Variants in GEN1 observed in about 807,000 individuals in gnomAD.
GEN1 encodes flap endonuclease GEN homolog 1.
Under a neutral mutation model 67.6 loss-of-function variants are expected in GEN1, and 64 were observed. The observed-to-expected ratio is 0.95, with a 90% CI of 0.77 to 1.17. The LOEUF (loss-of-function observed/expected upper bound fraction) is 1.17, where lower values mean the gene tolerates loss of function less well. Among genes scored for constraint, GEN1 ranks in the 50% most tolerant of loss-of-function variants. The pLI is 0.00. For synonymous variants in GEN1, 371 were observed against 359.4 expected (o/e 1.03, Z -0.37); for missense variants, 1,058 against 1,048.3 (o/e 1.01, Z -0.13).
chr2:17,778,380 A>G lies in GEN1; in HGVS notation c.1264+317A>G, dbSNP rs1426005783. Among the ~76,000 whole-genome samples the G allele has an allele frequency of 6.2e-4, 13 of 20,872 alleles. 3 individuals are homozygous for G. Among genetic ancestry groups the G allele is most frequent in the South Asian group, 7.7e-3 (1 of 130 alleles). 13.7% of individuals were successfully genotyped at this position (20,872 alleles called of 152,430 possible). A position where few individuals can be genotyped will look rare whatever the true frequency, so the allele number is the denominator to read the frequency against. On this transcript the variant is annotated intron_variant, in intron 12 of 13. Transcript: ENST00000381254. Reference sequence around the variant, plus strand: ...TACATATATGTATATACACACACATATATGTGTGTACATATATGTATATAC... The same window carrying G: ...TACATATATGTATATACACACACATGTATGTGTGTACATATATGTATATAC...
In GEN1 at chr2:17,774,353, TAGAA is replaced by T. The variant is rs754513633; in HGVS notation, c.1161_1164del (p.Arg387SerfsTer29). ...GTACTTTTGACCCATTATGACATGA[TAGAA>T]AGAAAGCTTGGTAGCAGAAACTCTA... On this transcript the variant is annotated frameshift_variant, in exon 11 of 14. Transcript: ENST00000381254. LOFTEE classifies it high-confidence loss of function. 7.2e-5 allele frequency: 116 copies of T among 1,606,330 alleles called. No individual in the cohort carries two copies. The highest frequency in any genetic ancestry group is 8.6e-5 in the Non-Finnish European group (101 of 1,175,058).
In GEN1 at chr2:17,788,706, C is replaced by A. The variant is rs1673130977; in HGVS notation, c.*6767C>A. ...GTGTTTGCGTCATCATAAGTTAAATCTTCATCTACCACCCAACTGATACCT... is the reference window on the plus strand; with the variant it reads ...GTGTTTGCGTCATCATAAGTTAAATATTCATCTACCACCCAACTGATACCT... On this transcript the variant is annotated 3_prime_UTR_variant, in exon 14 of 14. Transcript: ENST00000381254. 1 of 152,172 alleles carries A rather than the reference C, an allele frequency of 6.6e-6. No homozygotes were observed. Among genetic ancestry groups the A allele is most frequent in the African/African-American group, 2.4e-5 (1 of 41,444 alleles). The allele number at this position is 152,172 out of a possible 1,614,324, so 9.4% of individuals were successfully genotyped here.
intron 5 of GEN1, among the ~76,000 whole-genome samples, chr2:17,768,338 T>C (rs1558401300): frequency 6.6e-6 from 1 of 152,218 alleles, no homozygotes; most frequent in Non-Finnish European, 1.5e-5. Context: ...ATATTAAATG[T>C]TCATGTAATT....
intron 11 of GEN1, among the ~76,000 whole-genome samples, chr2:17,775,215 G>T (rs1048523289): frequency 8.5e-5 from 13 of 152,114 alleles, no homozygotes; most frequent in Admixed American, 5.2e-4. Context: ...ATAAAAATGT[G>T]TGTAAATGGA....
chr2:17,779,870 T>G (rs1672743107), intron 12 of GEN1, 108 bp from the exon 13 acceptor site: 1 of 807,062 alleles, frequency 1.2e-6, no homozygotes, highest in Non-Finnish European at 1.9e-6. Context: ...TCCGCCCGCC[T>G]TGGCCTCCCA....
At chr2:17,772,426 A>G (rs1672234305) in intron 7 of GEN1, among the ~76,000 whole-genome samples, 1 of 152,064 alleles carries the variant, frequency 6.6e-6, no homozygotes, top group South Asian at 2.1e-4. Context: ...GTCATGTGAT[A>G]GTAATAGCTC....
chr2:17,771,557 T>G (rs1672191220), intron 7 of GEN1, among the ~76,000 whole-genome samples: 1 of 152,126 alleles, frequency 6.6e-6, no homozygotes, highest in Non-Finnish European at 1.5e-5. Context: ...CTTAAAACTA[T>G]GTTTTCAATA....
intron 1 of GEN1, chr2:17,754,591 T>G (rs1385912829): frequency 6.6e-6 from 1 of 152,242 alleles, no homozygotes; most frequent in African/African-American, 2.4e-5. Context: ...CCGCTTGCGC[T>G]TGGCCGAAGC....
chr2:17,761,603 C>G (rs1485865362), intron 3 of GEN1, 21 bp downstream of exon 3: 6 of 1,536,258 alleles, frequency 3.9e-6, no homozygotes, highest in Non-Finnish European at 5.3e-6. Flanking sequence ...AGATTTGATT[C>G]AGTAATTCCG....
chr2:17,758,977 G>A (rs1671551379), intron 1 of GEN1, among the ~76,000 whole-genome samples: 1 of 152,138 alleles, frequency 6.6e-6, no homozygotes, highest in South Asian at 2.1e-4. Flanking sequence ...TTGCACCCAT[G>A]GGCAATTTGA....
At chr2:17,775,664 C>T (rs766734747) in intron 11 of GEN1, among the ~76,000 whole-genome samples, 27 of 152,170 alleles carry the variant, frequency 1.8e-4, no homozygotes, top group South Asian at 6.2e-4. Context: ...TCTCAAGTAC[C>T]GCTCTACAGA....
rs748008372 is a variant in GEN1, at chr2:17,781,268, C to T, written c.2056C>T (p.Gln686Ter). Residue 686 changes from glutamine to a stop codon, truncating the protein, a stop_gained, in exon 14 of 14, where the codon CAG becomes TAG. Transcript: ENST00000381254. LOFTEE classifies it low-confidence loss of function (END_TRUNC). ...ERIFTKLSYP[Q>*]DNLQPDVNLK... ...AATATTTACAAAATTATCATATCCT[C>T]AGGATAATCTACAACCAGATGTCAA... is the stretch of plus-strand genomic sequence containing the variant. 1.2e-6 allele frequency: 2 copies of T among 1,613,420 alleles called. No individual in the cohort carries two copies. The highest frequency in any genetic ancestry group is 2.2e-5 in the South Asian group (2 of 91,058).
rs1465035294 is a variant in GEN1, at chr2:17,778,223, C to T, written c.1264+160C>T. Among the ~76,000 whole-genome samples, 2 of 147,426 alleles carry T rather than the reference C, an allele frequency of 1.4e-5. 1 individual carries two copies. The highest frequency in any genetic ancestry group is 5.0e-5 in the African/African-American group (2 of 39,912). The stretch of plus-strand genomic sequence containing the variant: ...ATATATGTGTATATATATGTATACA[C>T]ACACATATATGTGTGTACATATATG... On this transcript the variant is annotated intron_variant, in intron 12 of 13. Transcript: ENST00000381254.
Position 17,785,478 on chromosome 2 carries a change from T to A in GEN1, c.*3539T>A, listed in dbSNP as rs1295610724. On this transcript the variant is annotated 3_prime_UTR_variant, in exon 14 of 14. Transcript: ENST00000381254. Reference sequence around the variant, plus strand: ...AAAGATCTGCCTCCAGCTGCTAGGATCCTGTAATTGGTTTCTTTCTGATGG... The same window carrying A: ...AAAGATCTGCCTCCAGCTGCTAGGAACCTGTAATTGGTTTCTTTCTGATGG... 6.6e-6 allele frequency: 1 copy of A among 152,380 alleles called. No individual in the cohort carries two copies. Among genetic ancestry groups the A allele is most frequent in the Non-Finnish European group, 1.5e-5 (1 of 68,162 alleles). The allele number at this position is 152,380 out of a possible 1,614,324, so 9.4% of individuals were successfully genotyped here.
At position 17,781,118 on chromosome 2, in the gene GEN1, T is replaced by C; in HGVS notation, c.1906T>C (p.Ser636Pro). Residue 636 changes from serine (S) to proline (P), a missense_variant, in exon 14 of 14, where the codon TCA becomes CCA. Physicochemically the swap from Ser to Pro is moderately conservative, Grantham distance 74 (BLOSUM62 -1). Transcript: ENST00000381254. ...ENIPEQLSCE[S>P]ERYTANIKKV... ...TATCCCAGAACAACTGTCCTGTGAATCAGAAAGGTACACTGCAAACATAAA... is the reference window on the plus strand; with the variant it reads ...TATCCCAGAACAACTGTCCTGTGAACCAGAAAGGTACACTGCAAACATAAA... 1.9e-6 allele frequency: 3 copies of C among 1,613,726 alleles called. No homozygotes were observed. Among genetic ancestry groups the C allele is most frequent in the Non-Finnish European group, 2.5e-6 (3 of 1,179,702 alleles).
rs1328458734 is a variant in GEN1, at chr2:17,759,939, C to G, written c.-5C>G. 13 of 1,613,160 alleles carry G rather than the reference C, an allele frequency of 8.1e-6. No homozygotes were observed. Among genetic ancestry groups the G allele is most frequent in the Non-Finnish European group, 1.1e-5 (13 of 1,179,482 alleles). ...TGTTTCACATAACAGCAGATAATCA[C>G]CAGAATGGGAGTGAATGACTTGTGG... On this transcript the variant is annotated 5_prime_UTR_variant, in exon 2 of 14. Transcript: ENST00000381254.
rs768487266 is a variant in GEN1, at chr2:17,760,050, G to GATC, written c.107_108insATC (p.Cys36delinsTer). The GATC allele has an allele frequency of 1.2e-6, 2 of 1,614,086 alleles. No homozygotes were observed. The highest frequency in any genetic ancestry group is 8.5e-7 in the Non-Finnish European group (1 of 1,179,990). On this transcript the variant is annotated stop_gained, in exon 2 of 14. Transcript: ENST00000381254. LOFTEE classifies it high-confidence loss of function. ...GCAGTTGATCTGAGTCTCTGGGTGT[G>GATC]TGAGGCACAGACAGTCAAAAAAATG...
chr2:17,788,205 A>C lies in GEN1; in HGVS notation c.*6266A>C, dbSNP rs1041676960. The C allele has an allele frequency of 1.3e-5, 2 of 152,244 alleles. No individual in the cohort carries two copies. Among genetic ancestry groups the C allele is most frequent in the African/African-American group, 4.8e-5 (2 of 41,470 alleles). 9.4% of individuals were successfully genotyped at this position (152,244 alleles called of 1,614,324 possible). ...CTGAAGGCAGCCTCCTTTCATCTAT[A>C]TATTAACGTGGCAATGTTTATCACC... On this transcript the variant is annotated 3_prime_UTR_variant, in exon 14 of 14. Coordinates refer to ENST00000381254, the MANE Select transcript of GEN1 (RefSeq NM_001130009.3).
At chr2:17,755,313 C>T (rs1037765016) in intron 1 of GEN1, 1 of 152,166 alleles carries the variant, frequency 6.6e-6, no homozygotes, top group African/African-American at 2.4e-5. Flanking sequence ...ACAACTATAG[C>T]TTGCTTTCTT....
Sources: gnomAD v4.1 joint callset for allele counts (sites outside exome capture counted in the v4.1 genomes callset) on GRCh38, gnomAD v4.1.1 for gene constraint, MANE v1.5 for transcripts, NCBI Gene and HGNC (gene_info 2026-07-23, HGNC 2026-07-21) for gene names.